Variants in CCDC90B observed in about 807,000 individuals in gnomAD.
The protein encoded by CCDC90B is coiled-coil domain containing 90B.
A neutral mutation model predicts 37.0 loss-of-function variants in CCDC90B; 24 were observed. The observed-to-expected ratio is 0.65, with a 90% CI of 0.47 to 0.91. CCDC90B has a LOEUF of 0.91. CCDC90B is among the 40% of genes least tolerant of loss of function. CCDC90B has a pLI of 0.00. For synonymous variants in CCDC90B, 113 were observed against 101.1 expected (o/e 1.12, Z -0.71); for missense variants, 319 against 299.0 (o/e 1.07, Z -0.49).
Position 83,286,340 on chromosome 11 carries a change from T to A in CCDC90B, c.-368A>T. 2 of 739,864 alleles carry A rather than the reference T, an allele frequency of 2.7e-6. No individual in the cohort carries two copies. The highest frequency in any genetic ancestry group is 4.3e-6 in the Non-Finnish European group (2 of 462,882). The allele number at this position is 739,864 out of a possible 1,614,324, so 45.8% of individuals were successfully genotyped here. A position where few individuals can be genotyped will look rare whatever the true frequency, so the allele number is the denominator to read the frequency against. On this transcript the variant is annotated 5_prime_UTR_variant, in exon 1 of 9. In the 5' UTR this introduces an upstream ATG that the reference lacks. Transcript: ENST00000529689. ...AAGATAGCCAGCGGCCATTACGCGC[T>A]TGGGTCGGGGGAGATGGAGTCGCAT...
In CCDC90B at chr11:83,273,668, TG is replaced by T. The variant is rs756800822; in HGVS notation, c.572del (p.Thr191LysfsTer30). 1.9e-6 allele frequency: 3 copies of T among 1,604,048 alleles called. No individual in the cohort carries two copies. Among genetic ancestry groups the T allele is most frequent in the South Asian group, 2.2e-5 (2 of 89,308 alleles). On this transcript the variant is annotated frameshift_variant, in exon 7 of 9. Transcript: ENST00000529689. LOFTEE classifies it high-confidence loss of function. ...FTDQEKQLME[T>X]TTEFTKKDTQ... ...TTACCTTTTTTGTAAATTCTGTAGTTGTTTCCATAAGTTGCTTTTCTTGATC... is the reference window on the plus strand; with the variant it reads ...TTACCTTTTTTGTAAATTCTGTAGTTTTTCCATAAGTTGCTTTTCTTGATC...
chr11:83,268,429 CA>C (rs140579518), intron 7 of CCDC90B, among the ~76,000 whole-genome samples: 85,676 of 144,344 alleles, frequency 0.59, 25,289 homozygotes, highest in Middle Eastern at 0.7. Context: ...AAATGGAAAG[CA>C]AAAAAAAAAA....
rs534912727 is a variant in CCDC90B at position 83,265,415 on chromosome 11, A to AT, written c.709+449dup. 5.9e-3 allele frequency among the ~76,000 whole-genome samples: 886 copies of AT among 151,052 alleles called. 5 individuals are homozygous for AT. Among genetic ancestry groups the AT allele is most frequent in the Middle Eastern group, 0.01 (3 of 294 alleles). ...CATAAGCAATAAAAAGAAAATTTTC[A>AT]TTTTTTTTTCCACTGTGGAGTACCA... On this transcript the variant is annotated intron_variant, in intron 8 of 8. Coordinates refer to ENST00000529689, the MANE Select transcript of CCDC90B (RefSeq NM_021825.5).
intron 3 of CCDC90B, among the ~76,000 whole-genome samples, chr11:83,275,224 T>G (rs1445811778): frequency 6.6e-6 from 1 of 152,150 alleles, no homozygotes; most frequent in Non-Finnish European, 1.5e-5. Flanking sequence ...TTGTTTAAAT[T>G]CCTGGGTATC....
At chr11:83,271,412 C>T (rs1424492418) in intron 7 of CCDC90B, among the ~76,000 whole-genome samples, 2 of 151,554 alleles carry the variant, frequency 1.3e-5, no homozygotes, top group South Asian at 2.1e-4. Context: ...ATAAAGAACT[C>T]AAATTTACAA....
In CCDC90B at chr11:83,285,958, C is replaced by T. The variant is rs1414861110; in HGVS notation, c.15G>A (p.Gln5=). The change falls in exon 1 of 9, where the codon CAG becomes CAA. Residue 5 remains glutamine (Q), a synonymous_variant. Transcript: ENST00000529689. MNSR[Q]AWRLFLSQGR... ...CTTGGGAGAGAAAGAGCCGCCAAGC[C>T]TGGCGACTATTCATGTCCTCAGAGT... 6.2e-7 allele frequency: 1 copy of T among 1,611,994 alleles called. No individual in the cohort carries two copies. Among genetic ancestry groups the T allele is most frequent in the Non-Finnish European group, 8.5e-7 (1 of 1,179,134 alleles).
intron 1 of CCDC90B, among the ~76,000 whole-genome samples, chr11:83,282,030 G>A (rs1322764107): frequency 6.6e-6 from 1 of 152,050 alleles, no homozygotes; most frequent in Non-Finnish European, 1.5e-5. Flanking sequence ...CAAGCTTGTC[G>A]AGAACACTTA....
Position 83,284,169 on chromosome 11 carries a change from A to C in CCDC90B, c.100+1704T>G, listed in dbSNP as rs534096809. On this transcript the variant is annotated intron_variant, in intron 1 of 8. Transcript: ENST00000529689. ...TGTTTCTTTGATACCTATCTTGTGGATTTGTTTGTTCGTAATAGCGAGATA... is the reference window on the plus strand; with the variant it reads ...TGTTTCTTTGATACCTATCTTGTGGCTTTGTTTGTTCGTAATAGCGAGATA... 2.0e-5 allele frequency among the ~76,000 whole-genome samples: 3 copies of C among 152,184 alleles called. No homozygotes were observed. In the East Asian group the frequency reaches 5.8e-4, roughly 29 times the overall value.
intron 8 of CCDC90B, among the ~76,000 whole-genome samples, chr11:83,262,628 T>C (rs1033789973): frequency 6.6e-6 from 1 of 152,188 alleles, no homozygotes; most frequent in African/African-American, 2.4e-5. Context: ...ATGAATGAAT[T>C]TTTAAAAACA....
intron 2 of CCDC90B, among the ~76,000 whole-genome samples, chr11:83,279,312 C>T (rs1865243705): frequency 6.6e-6 from 1 of 151,390 alleles, no homozygotes; most frequent in Non-Finnish European, 1.5e-5. Context: ...AACAAAAAAA[C>T]AAACTCTAAA....
At chr11:83,278,897 G>A (rs1865208327) in intron 2 of CCDC90B, 68 bp from the exon 3 acceptor site, 1 of 815,672 alleles carries the variant, frequency 1.2e-6, no homozygotes, top group Non-Finnish European at 2.1e-6. Context: ...GACAGCAAGA[G>A]TAACTCCTCA....
At position 83,261,984 on chromosome 11, in the gene CCDC90B, T is replaced by C. The variant is rs1399487392; in HGVS notation, c.710-18A>G. ...CACCGAAGCTGTGAAAAGAAGAAACTGTGTTATAGGTCTTGTATCTGTAAT... is the reference window on the plus strand; with the variant it reads ...CACCGAAGCTGTGAAAAGAAGAAACCGTGTTATAGGTCTTGTATCTGTAAT... On this transcript the variant is annotated intron_variant, in intron 8 of 8. Coordinates refer to ENST00000529689, the MANE Select transcript of CCDC90B (RefSeq NM_021825.5). 1 of 1,544,174 alleles carries C rather than the reference T, an allele frequency of 6.5e-7. No individual in the cohort carries two copies. The highest frequency in any genetic ancestry group is 2.3e-5 in the East Asian group (1 of 43,774).
Position 83,260,474 on chromosome 11 carries a change from T to A in CCDC90B, c.*1437A>T, listed in dbSNP as rs1344575892. ...AAAAATGAATCAGAATGTAACAGGATAATGTCAAGGTTTTTCTTTTGAAAA... is the reference window on the plus strand; with the variant it reads ...AAAAATGAATCAGAATGTAACAGGAAAATGTCAAGGTTTTTCTTTTGAAAA... On this transcript the variant is annotated 3_prime_UTR_variant, in exon 9 of 9. Transcript: ENST00000529689. 6.6e-6 allele frequency: 1 copy of A among 152,190 alleles called. No homozygotes were observed. Among genetic ancestry groups the A allele is most frequent in the African/African-American group, 2.4e-5 (1 of 41,450 alleles). The allele number at this position is 152,190 out of a possible 1,614,324, so 9.4% of individuals were successfully genotyped here. A position where few individuals can be genotyped will look rare whatever the true frequency, so the allele number is the denominator to read the frequency against.
intron 1 of CCDC90B, among the ~76,000 whole-genome samples, chr11:83,283,091 T>C (rs1365809273): frequency 6.6e-6 from 1 of 152,168 alleles, no homozygotes; most frequent in Non-Finnish European, 1.5e-5. Flanking sequence ...ACCCCTGCAC[T>C]AAACTATACA....
chr11:83,268,379 A>C (rs1379939305), intron 7 of CCDC90B, among the ~76,000 whole-genome samples: 1 of 152,040 alleles, frequency 6.6e-6, no homozygotes, highest in South Asian at 2.1e-4. Context: ...AAAGATGCAC[A>C]TAGGCTCAAA....
chr11:83,263,655 T>C (rs545643808), intron 8 of CCDC90B, among the ~76,000 whole-genome samples: 83 of 152,310 alleles, frequency 5.4e-4, no homozygotes, highest in South Asian at 4.1e-3. Context: ...CGATGAACCA[T>C]TCAGACTCCT....
rs1344556041 is a variant in CCDC90B at position 83,280,157 on chromosome 11, C to CT, written c.203dup (p.Asp69GlyfsTer8). ...GTTTCTCACCATGAGTTTCCAAGTC[C>CT]TGAACCAATGCATGGGTATCAAAAG... is the stretch of plus-strand genomic sequence containing the variant. On this transcript the variant is annotated frameshift_variant, in exon 2 of 9. Coordinates refer to ENST00000529689, the MANE Select transcript of CCDC90B (RefSeq NM_021825.5). LOFTEE classifies it high-confidence loss of function. 1 of 1,611,696 alleles carries CT rather than the reference C, an allele frequency of 6.2e-7. No individual in the cohort carries two copies. The highest frequency in any genetic ancestry group is 1.1e-5 in the South Asian group (1 of 90,866).
chr11:83,269,766 C>T (rs1011165712), intron 7 of CCDC90B, among the ~76,000 whole-genome samples: 6 of 152,126 alleles, frequency 3.9e-5, no homozygotes, highest in Non-Finnish European at 8.8e-5. Flanking sequence ...GAAACTATTC[C>T]AATCAACAGA....
At chr11:83,263,503 C>T (rs1864055349) in intron 8 of CCDC90B, among the ~76,000 whole-genome samples, 2 of 152,174 alleles carry the variant, frequency 1.3e-5, no homozygotes, top group Admixed American at 6.5e-5. Flanking sequence ...ATGCCTGGTA[C>T]ATTTTAAGCA....
Sources: allele counts gnomAD v4.1 joint callset (sites outside exome capture counted in the v4.1 genomes callset), GRCh38; gene constraint gnomAD v4.1.1; transcripts MANE v1.5; gene names NCBI Gene and HGNC (gene_info 2026-07-23, HGNC 2026-07-21).